The following VPS13B variants were observed in gnomAD, a reference collection of about 807,000 sequenced individuals.
VPS13B encodes vacuolar protein sorting 13 homolog B, also known as intermembrane lipid transfer protein VPS13B.
Under a neutral mutation model 426.4 loss-of-function variants are expected in VPS13B, and 285 were observed. The ratio of observed to expected loss-of-function variants is 0.67; its 90% CI spans 0.61 to 0.74. The LOEUF (loss-of-function observed/expected upper bound fraction) is 0.74, where lower values mean the gene tolerates loss of function less well. Among genes scored for constraint, VPS13B ranks in the 30% least tolerant of loss-of-function variants. The pLI is 0.00. For synonymous variants in VPS13B, 1,676 were observed against 1,676.4 expected, an observed-to-expected ratio of 1.00 and a Z score of 0.01; for missense variants, 4,537 against 4,782.6, an observed-to-expected ratio of 0.95 and a Z score of 1.51.
chr8:99,262,894 T>A (rs1210897460), intron 17 of VPS13B, among the ~76,000 whole-genome samples: 2 of 152,026 alleles, frequency 1.3e-5, no homozygotes, highest in Non-Finnish European at 2.9e-5. Flanking sequence ...CACCTCAGCC[T>A]CCCAAGTAGC....
intron 19 of VPS13B, among the ~76,000 whole-genome samples, chr8:99,300,149 T>TTG (rs1430710098): frequency 3.3e-5 from 5 of 152,274 alleles, no homozygotes; most frequent in Admixed American, 2.6e-4. Context: ...TTAAGCAAAC[T>TTG]TGTGTGTGTG....
At position 99,320,901 on chromosome 8, in the gene VPS13B, G is replaced by C. The variant is rs150869115; in HGVS notation, c.2824+45647G>C. 4.1e-4 allele frequency among the ~76,000 whole-genome samples: 63 copies of C among 152,294 alleles called. 1 individual carries two copies. The East Asian group carries it at 0.012, about 28-fold the overall frequency. ...CAGGCATTGCTACTTTGGCAAACCT[G>C]CTTGCCTTTGACCTTTGGTTACTCA... On this transcript the variant is annotated intron_variant, in intron 19 of 61. Coordinates refer to ENST00000357162, the MANE Select transcript of VPS13B (RefSeq NM_152564.5).
intron 17 of VPS13B, among the ~76,000 whole-genome samples, chr8:99,255,945 G>A (rs963166961): frequency 2.6e-5 from 4 of 152,178 alleles, no homozygotes; most frequent in Admixed American, 1.3e-4. Flanking sequence ...GTTCATGTTA[G>A]AGTATGCTGA....
chr8:99,361,160 T>C, intron 19 of VPS13B, among the ~76,000 whole-genome samples: 1 of 152,306 alleles, frequency 6.6e-6, no homozygotes, highest in South Asian at 2.1e-4. Flanking sequence ...AAATAATGGC[T>C]GTTACTTGGA....
intron 14 of VPS13B, among the ~76,000 whole-genome samples, chr8:99,148,321 G>A (rs538166836): frequency 4.0e-5 from 6 of 148,514 alleles, no homozygotes; most frequent in Non-Finnish European, 8.9e-5. Flanking sequence ...CTATGATCAC[G>A]CCACTACACT....
At chr8:99,848,304 G>T (rs1816086852) in intron 54 of VPS13B, among the ~76,000 whole-genome samples, 1 of 152,174 alleles carries the variant, frequency 6.6e-6, no homozygotes, top group African/African-American at 2.4e-5. Context: ...ATGCTCCTAG[G>T]TGGGTTTTGA....
At chr8:99,790,309 C>T (rs183445680) in intron 43 of VPS13B, among the ~76,000 whole-genome samples, 137 of 152,286 alleles carry the variant, frequency 9.0e-4, no homozygotes, top group Non-Finnish European at 1.5e-3. Flanking sequence ...ATCTGACCTC[C>T]AAGGGCTAAC....
intron 37 of VPS13B, among the ~76,000 whole-genome samples, chr8:99,718,396 G>T (rs561793847): frequency 6.6e-6 from 1 of 152,244 alleles, no homozygotes; most frequent in African/African-American, 2.4e-5. Flanking sequence ...TATTTTACAT[G>T]TGATGATATC....
intron 21 of VPS13B, among the ~76,000 whole-genome samples, chr8:99,416,672 G>T (rs907951425): frequency 7.9e-5 from 12 of 152,112 alleles, no homozygotes; most frequent in African/African-American, 2.7e-4. Flanking sequence ...TTAGGGGAGG[G>T]CATTCCCTGA....
chr8:99,872,280 C>T (rs1248887440), intron 61 of VPS13B, among the ~76,000 whole-genome samples: 1 of 152,164 alleles, frequency 6.6e-6, no homozygotes, highest in Non-Finnish European at 1.5e-5. Flanking sequence ...CTGGAGACTT[C>T]AAGGGTCAAC....
intron 19 of VPS13B, among the ~76,000 whole-genome samples, chr8:99,300,464 G>T (rs1820300364): frequency 6.6e-6 from 1 of 152,188 alleles, no homozygotes; most frequent in Non-Finnish European, 1.5e-5. Context: ...TATGTTGGGT[G>T]TGTTTTCTTT....
At position 99,065,998 on chromosome 8, in the gene VPS13B, AAG is replaced by A. The variant is rs1264147709; in HGVS notation, c.291+27435_291+27436del. On this transcript the variant is annotated intron_variant, in intron 3 of 61. Coordinates refer to ENST00000357162, the MANE Select transcript of VPS13B (RefSeq NM_152564.5). ...TACAAACCACTGCTCAATGAAATAA[AAG>A]AGGACACAAACAAATGGAAGAACAT... 3.3e-5 allele frequency among the ~76,000 whole-genome samples: 5 copies of A among 152,248 alleles called. No homozygotes were observed. In the East Asian group the frequency reaches 9.6e-4, roughly 29 times the overall value.
chr8:99,524,629 T>TA (rs1202997941), intron 30 of VPS13B, among the ~76,000 whole-genome samples: 1 of 152,104 alleles, frequency 6.6e-6, no homozygotes. Context: ...TTCGTCTCTA[T>TA]AAAAAAACTT....
intron 19 of VPS13B, among the ~76,000 whole-genome samples, chr8:99,359,433 C>A (rs1812372494): frequency 6.6e-6 from 1 of 151,892 alleles, no homozygotes. Context: ...ATAAATATTT[C>A]AATGTTCATG....
At chr8:99,677,126 A>G (rs1830971244) in intron 35 of VPS13B, among the ~76,000 whole-genome samples, 2 of 152,208 alleles carry the variant, frequency 1.3e-5, no homozygotes, top group Admixed American at 1.3e-4. Context: ...CAAAAAAGAA[A>G]AAAAGAAGCA....
chr8:99,731,336 G>A (rs1833591533), intron 39 of VPS13B, among the ~76,000 whole-genome samples: 1 of 152,116 alleles, frequency 6.6e-6, no homozygotes, highest in African/African-American at 2.4e-5. Flanking sequence ...CTATAACCCT[G>A]TGTGGTATGT....
chr8:99,705,020 C>T (rs1157825653), intron 36 of VPS13B, among the ~76,000 whole-genome samples: 1 of 152,064 alleles, frequency 6.6e-6, no homozygotes, highest in Non-Finnish European at 1.5e-5. Context: ...AACAGATGGC[C>T]TACCGTCCGT....
chr8:99,813,347 T>G (rs1236628460), intron 44 of VPS13B, among the ~76,000 whole-genome samples: 1 of 152,220 alleles, frequency 6.6e-6, no homozygotes, highest in African/African-American at 2.4e-5. Context: ...GTGGTTTCTC[T>G]GAGAAACAGC....
intron 21 of VPS13B, among the ~76,000 whole-genome samples, chr8:99,402,484 T>C (rs1393822829): frequency 2.0e-5 from 3 of 152,136 alleles, no homozygotes; most frequent in African/African-American, 7.2e-5. Context: ...TCTTAAGATG[T>C]TGTGTTGTAC....
Sources: allele counts gnomAD v4.1 joint callset (sites outside exome capture counted in the v4.1 genomes callset), GRCh38; gene constraint gnomAD v4.1.1; transcripts MANE v1.5; gene names NCBI Gene and HGNC (gene_info 2026-07-23, HGNC 2026-07-21).